GAS7: variants seen among roughly 807,000 people sequenced by gnomAD.
GAS7 encodes growth arrest-specific protein 7.
GAS7 carries 28 observed loss-of-function variants against 71.1 expected under a neutral mutation model. The ratio of observed to expected loss-of-function variants is 0.39; its 90% CI spans 0.29 to 0.54. GAS7 has a LOEUF of 0.54. Ranked by LOEUF, GAS7 falls within the 20% of genes least tolerant of loss-of-function variation. The pLI, the probability that GAS7 is intolerant of heterozygous loss-of-function variation, is 0.62. For synonymous variants in GAS7, 258 were observed against 245.8 expected, an observed-to-expected ratio of 1.05 and a Z score of -0.46; for missense variants, 436 against 627.8, an observed-to-expected ratio of 0.69 and a Z score of 3.27.
At chr17:10,048,086 G>C (rs1035052210) in intron 1 of GAS7, among the ~76,000 whole-genome samples, 1 of 152,236 alleles carries the variant, frequency 6.6e-6, no homozygotes, top group African/African-American at 2.4e-5. Flanking sequence ...CAGATCACTT[G>C]AGGTCAGGAG....
intron 7 of GAS7, among the ~76,000 whole-genome samples, chr17:9,940,944 C>T (rs1288858210): frequency 2.0e-5 from 3 of 152,228 alleles, no homozygotes; most frequent in African/African-American, 7.2e-5. Flanking sequence ...AAGAGCTATG[C>T]TTATGCCAAC....
chr17:10,017,323 C>CTTTTTTTTTTTTT (rs1209394276), intron 2 of GAS7, among the ~76,000 whole-genome samples: 1 of 142,052 alleles, frequency 7.0e-6, no homozygotes, highest in African/African-American at 2.6e-5. Context: ...TCATCTTCCA[C>CTTTTTTTTTTTTT]TTTTTTTTTT....
At chr17:9,994,336 T>C (rs955379915) in intron 2 of GAS7, among the ~76,000 whole-genome samples, 4 of 148,004 alleles carry the variant, frequency 2.7e-5, no homozygotes, top group African/African-American at 1.0e-4. Context: ...AACAGAGATA[T>C]AGATCAATGG....
chr17:10,095,658 A>T (rs2073633646), intron 1 of GAS7, among the ~76,000 whole-genome samples: 1 of 152,014 alleles, frequency 6.6e-6, no homozygotes, highest in South Asian at 2.1e-4. Flanking sequence ...TGTCTCTTCC[A>T]AAAATACAAA....
At chr17:9,920,066 T>G (rs2067748686) in intron 11 of GAS7, among the ~76,000 whole-genome samples, 1 of 148,632 alleles carries the variant, frequency 6.7e-6, no homozygotes, top group Non-Finnish European at 1.5e-5. Flanking sequence ...AAGAAATGCT[T>G]CCCTCTCTAA....
chr17:9,935,688 G>A (rs2068375591), intron 8 of GAS7, among the ~76,000 whole-genome samples: 2 of 152,254 alleles, frequency 1.3e-5, no homozygotes, highest in African/African-American at 2.4e-5. Flanking sequence ...TCAGGCCGAG[G>A]TGGGTGTTTA....
In GAS7 at chr17:9,969,942, G is replaced by C. The variant is rs2069890576; in HGVS notation, c.386-180C>G. ...CTGCAGAGCTGGAAATGGGTTGAAG[G>C]CATCTCTCTAATCCTCAGCACCCAA... On this transcript the variant is annotated intron_variant, in intron 3 of 13. Transcript: ENST00000432992. The surrounding 1 kb of genome is among the most constrained non-coding windows in gnomAD (Gnocchi z 5.5). Among the ~76,000 whole-genome samples the C allele has an allele frequency of 6.6e-6, 1 of 152,174 alleles. No individual in the cohort carries two copies. The highest frequency in any genetic ancestry group is 1.5e-5 in the Non-Finnish European group (1 of 68,026).
intron 2 of GAS7, among the ~76,000 whole-genome samples, chr17:10,016,115 G>T (rs976212483): frequency 3.3e-5 from 5 of 152,168 alleles, no homozygotes; most frequent in African/African-American, 1.2e-4. Context: ...GTCGGGCACG[G>T]TGGCTCACGC....
intron 1 of GAS7, among the ~76,000 whole-genome samples, chr17:10,133,390 T>A (rs1468588181): frequency 6.6e-6 from 1 of 152,140 alleles, no homozygotes; most frequent in Non-Finnish European, 1.5e-5. Flanking sequence ...CCCAAAGTGC[T>A]GGGATTACAG....
chr17:10,095,152 G>A (rs143060583), intron 1 of GAS7, among the ~76,000 whole-genome samples: 208 of 152,312 alleles, frequency 1.4e-3, no homozygotes, highest in African/African-American at 4.7e-3. Context: ...TCTTATGGAC[G>A]CTGAATGTGC....
chr17:10,177,887 T>A (rs1263761130), intron 1 of GAS7, among the ~76,000 whole-genome samples: 2 of 150,514 alleles, frequency 1.3e-5, no homozygotes, highest in East Asian at 2.0e-4. Flanking sequence ...CCACCCAGAG[T>A]AACAAAGCCC....
intron 2 of GAS7, among the ~76,000 whole-genome samples, chr17:10,014,920 TGAG>T (rs1318901355): frequency 1.3e-5 from 2 of 151,926 alleles, no homozygotes; most frequent in Non-Finnish European, 2.9e-5. Context: ...TTTGGGAGGC[TGAG>T]GAGGGGTGGA....
intron 2 of GAS7, among the ~76,000 whole-genome samples, chr17:10,011,015 C>T (rs901918351): frequency 6.6e-6 from 1 of 152,206 alleles, no homozygotes; most frequent in African/African-American, 2.4e-5. Context: ...AGTTTGCCAA[C>T]CCCTGAGTTA....
At chr17:10,160,923 A>T (rs898635462) in intron 1 of GAS7, among the ~76,000 whole-genome samples, 2 of 147,844 alleles carry the variant, frequency 1.4e-5, no homozygotes, top group Admixed American at 6.9e-5. Flanking sequence ...GTTGGAAGCC[A>T]TAGAAATTGA....
chr17:10,096,855 G>A (rs986171327), intron 1 of GAS7, among the ~76,000 whole-genome samples: 2 of 152,208 alleles, frequency 1.3e-5, no homozygotes, highest in African/African-American at 4.8e-5. Context: ...TCCAAAACAC[G>A]CCCTTCTTGG....
At position 9,926,746 on chromosome 17, in the gene GAS7, G is replaced by C; in HGVS notation, c.909C>G (p.Pro303=). ...TGAAGTTCTCACGGAAGTTCATCAG[G>C]GGCTTCTCCACCTCGCTGTGAAGCT... ...SAKLHSEVEK[P]LMNFRENFKK... Residue 303 remains proline (P), a synonymous_variant, in exon 10 of 14, where the codon CCC becomes CCG. Transcript: ENST00000432992. This position sits in a 1 kb window ranked among gnomAD's most constrained non-coding sequence, Gnocchi z 5.0. The C allele has an allele frequency of 6.2e-7, 1 of 1,613,984 alleles. No homozygotes were observed. Among genetic ancestry groups the C allele is most frequent in the Non-Finnish European group, 8.5e-7 (1 of 1,179,928 alleles).
rs1567763544 is a variant in GAS7, at chr17:9,916,530, A to C, written c.*698T>G. 4 of 237,652 alleles carry C rather than the reference A, an allele frequency of 1.7e-5. 1 individual carries two copies. The highest frequency in any genetic ancestry group is 1.7e-4 in the Admixed American group (3 of 17,898). The allele number at this position is 237,652 out of a possible 1,614,324, so 14.7% of individuals were successfully genotyped here. ...GGCATTTCCAGAGGAGACTTTACAG[A>C]TGGCGCCTGATCTCATGGGACACGA... On this transcript the variant is annotated 3_prime_UTR_variant, in exon 14 of 14. Transcript: ENST00000432992.
chr17:10,051,872 T>C (rs1355940810), intron 1 of GAS7, among the ~76,000 whole-genome samples: 1 of 152,190 alleles, frequency 6.6e-6, no homozygotes, highest in Non-Finnish European at 1.5e-5. Flanking sequence ...TCCCCAGCAT[T>C]GGATATCCCC....
At chr17:9,928,402 G>T (rs191290348) in intron 9 of GAS7, among the ~76,000 whole-genome samples, 2 of 151,914 alleles carry the variant, frequency 1.3e-5, no homozygotes, top group Non-Finnish European at 2.9e-5. Flanking sequence ...GATTACAGGC[G>T]TGAGCCACCG....
Sources: allele counts gnomAD v4.1 joint callset (sites outside exome capture counted in the v4.1 genomes callset), GRCh38; gene constraint gnomAD v4.1.1; non-coding constraint Gnocchi (gnomAD v3.1); transcripts MANE v1.5; gene names NCBI Gene and HGNC (gene_info 2026-07-23, HGNC 2026-07-21).